ARHGAP26: variants seen among roughly 807,000 people sequenced by gnomAD.
The protein encoded by ARHGAP26 is rho GTPase-activating protein 26.
In ARHGAP26, 38 loss-of-function variants were observed where a neutral mutation model predicts 104.8. The ratio of observed to expected loss-of-function variants is 0.36; its 90% CI spans 0.28 to 0.48. The LOEUF is 0.48. Ranked by LOEUF, ARHGAP26 falls within the 20% of genes least tolerant of loss-of-function variation. The pLI, the probability that ARHGAP26 is intolerant of heterozygous loss-of-function variation, is 0.99. For missense variants in ARHGAP26, 704 were observed against 947.9 expected, an observed-to-expected ratio of 0.74 and a Z score of 3.38; for synonymous variants, 341 against 340.0, an observed-to-expected ratio of 1.00 and a Z score of -0.03.
chr5:142,929,682 T>C (rs1485889603), intron 10 of ARHGAP26, among the ~76,000 whole-genome samples: 1 of 152,208 alleles, frequency 6.6e-6, no homozygotes, highest in East Asian at 1.9e-4. Context: ...CAAGGCCAAG[T>C]GGCCCACCCT....
chr5:143,039,717 A>G (rs2150137065), intron 13 of ARHGAP26, among the ~76,000 whole-genome samples: 1 of 152,238 alleles, frequency 6.6e-6, no homozygotes, highest in East Asian at 1.9e-4. Context: ...TCAAGAGAGA[A>G]ACCTAATCAT....
At chr5:143,213,709 C>T (rs1044533301) in intron 21 of ARHGAP26, among the ~76,000 whole-genome samples, 1 of 152,218 alleles carries the variant, frequency 6.6e-6, no homozygotes, top group African/African-American at 2.4e-5. Flanking sequence ...TGCCCTCCCG[C>T]TGTTTGGCTG....
chr5:143,000,257 C>T (rs1210118916), intron 11 of ARHGAP26, among the ~76,000 whole-genome samples: 2 of 152,174 alleles, frequency 1.3e-5, no homozygotes, highest in East Asian at 3.9e-4. Context: ...CTGTAGAATC[C>T]AGCAGTTCCA....
intron 18 of ARHGAP26, among the ~76,000 whole-genome samples, chr5:143,128,644 C>T (rs1444120338): frequency 6.6e-6 from 1 of 152,180 alleles, no homozygotes; most frequent in East Asian, 1.9e-4. Context: ...TCTGAGAGCA[C>T]CACGCAGTCC....
In ARHGAP26 at chr5:142,809,375, A is replaced by G. The variant is rs62383270; in HGVS notation, c.154+38460A>G. On this transcript the variant is annotated intron_variant, in intron 1 of 22. Transcript: ENST00000645722. ...GGATGTGAAGGACTTTGAGCTTCTT[A>G]GAAGAAGGGGTCAGATCAGCTGGTG... Among the ~76,000 whole-genome samples the G allele has an allele frequency of 8.3e-3, 1,257 of 152,336 alleles. 4 individuals carry two copies. The highest frequency in any genetic ancestry group is 0.013 in the Non-Finnish European group (867 of 68,030).
intron 14 of ARHGAP26, among the ~76,000 whole-genome samples, chr5:143,044,694 T>C (rs1562319245): frequency 6.6e-6 from 1 of 152,194 alleles, no homozygotes; most frequent in Non-Finnish European, 1.5e-5. Flanking sequence ...TGCTGTTAGC[T>C]TTTTTAAAAA....
At chr5:142,915,097 G>A (rs1762303652) in intron 10 of ARHGAP26, among the ~76,000 whole-genome samples, 1 of 152,118 alleles carries the variant, frequency 6.6e-6, no homozygotes, top group African/African-American at 2.4e-5. Flanking sequence ...GCGGAGAGTG[G>A]CTTTTTAGGC....
chr5:142,974,016 G>A (rs1278831561), intron 11 of ARHGAP26, among the ~76,000 whole-genome samples: 3 of 152,068 alleles, frequency 2.0e-5, no homozygotes, highest in African/African-American at 4.8e-5. Context: ...TTTGCCTTCT[G>A]TATTTTTACA....
At chr5:142,887,218 G>A (rs1757836670) in intron 5 of ARHGAP26, among the ~76,000 whole-genome samples, 1 of 152,198 alleles carries the variant, frequency 6.6e-6, no homozygotes, top group African/African-American at 2.4e-5. Context: ...TTTTAGGGCT[G>A]TGAATGTCTT....
intron 12 of ARHGAP26, among the ~76,000 whole-genome samples, chr5:143,031,967 C>G (rs1374922541): frequency 1.3e-5 from 2 of 152,148 alleles, no homozygotes; most frequent in Non-Finnish European, 2.9e-5. Context: ...GCATGATAGC[C>G]CAAGGCATCC....
In ARHGAP26 at chr5:142,957,919, T is replaced by A. The variant is rs147870133; in HGVS notation, c.1107+25794T>A. On this transcript the variant is annotated intron_variant, in intron 11 of 22. Coordinates refer to ENST00000645722, the MANE Select transcript of ARHGAP26 (RefSeq NM_001135608.3). ...TCTCAATCTGCAAACGTACTTGAAC[T>A]GGGCATAAGCCTTTGAGAGATGCTG... 3.9e-5 allele frequency among the ~76,000 whole-genome samples: 6 copies of A among 152,378 alleles called. No individual in the cohort carries two copies. In the East Asian group the frequency reaches 1.2e-3, roughly 29 times the overall value.
chr5:142,772,888 T>C, intron 1 of ARHGAP26: 1 of 533,414 alleles, frequency 1.9e-6, no homozygotes, highest in South Asian at 1.4e-5. Context: ...TACCACTAGT[T>C]TTTGGGGGCA....
intron 1 of ARHGAP26, among the ~76,000 whole-genome samples, chr5:142,827,320 A>G (rs1224076099): frequency 6.6e-6 from 1 of 152,206 alleles, no homozygotes; most frequent in African/African-American, 2.4e-5. Context: ...GCTTGGGCGC[A>G]GGAGTCTCCT....
At chr5:143,050,296 A>G (rs1784819328) in intron 14 of ARHGAP26, among the ~76,000 whole-genome samples, 1 of 151,518 alleles carries the variant, frequency 6.6e-6, no homozygotes, top group African/African-American at 2.4e-5. Flanking sequence ...AAGGACTGCA[A>G]ATTCAGCATC....
chr5:142,969,388 G>C (rs981884577), intron 11 of ARHGAP26: 2 of 152,216 alleles, frequency 1.3e-5, no homozygotes, highest in African/African-American at 4.8e-5. Flanking sequence ...AGATGAAGCT[G>C]TTTTCTCTCC....
intron 18 of ARHGAP26, among the ~76,000 whole-genome samples, chr5:143,132,330 G>T (rs1158692118): frequency 6.6e-6 from 1 of 151,504 alleles, no homozygotes; most frequent in African/African-American, 2.4e-5. Flanking sequence ...AAAGGAGAGA[G>T]GACCATGAGA....
intron 1 of ARHGAP26, among the ~76,000 whole-genome samples, chr5:142,845,336 C>T (rs1771715254): frequency 6.6e-6 from 1 of 152,156 alleles, no homozygotes; most frequent in Non-Finnish European, 1.5e-5. Flanking sequence ...TTTGTTATCA[C>T]CCTGCTTCAC....
At chr5:142,801,678 G>T (rs1762101089) in intron 1 of ARHGAP26, among the ~76,000 whole-genome samples, 1 of 151,150 alleles carries the variant, frequency 6.6e-6, no homozygotes, top group Non-Finnish European at 1.5e-5. Flanking sequence ...TGATGATGAA[G>T]AATTCCCACC....
At chr5:143,058,769 G>A (rs1381681627) in intron 17 of ARHGAP26, among the ~76,000 whole-genome samples, 2 of 152,212 alleles carry the variant, frequency 1.3e-5, no homozygotes, top group African/African-American at 4.8e-5. Flanking sequence ...GGGAAAAAGA[G>A]TGATATATAT....
Sources: gnomAD v4.1 joint callset for allele counts (sites outside exome capture counted in the v4.1 genomes callset) on GRCh38, gnomAD v4.1.1 for gene constraint, MANE v1.5 for transcripts, NCBI Gene and HGNC (gene_info 2026-07-23, HGNC 2026-07-21) for gene names.